Variants in NUFIP2 observed in about 807,000 individuals in gnomAD.
NUFIP2 encodes the protein nuclear FMR1 interacting protein 2.
NUFIP2 carries 6 observed loss-of-function variants against 56.9 expected under a neutral mutation model. The observed-to-expected ratio is 0.11, with a 90% CI of 0.06 to 0.21. The LOEUF (loss-of-function observed/expected upper bound fraction) is 0.21, where lower values mean the gene tolerates loss of function less well. Ranked by LOEUF, NUFIP2 falls within the 10% of genes least tolerant of loss-of-function variation. NUFIP2 has a pLI of 1.00. For synonymous variants in NUFIP2, 321 were observed against 298.2 expected (o/e 1.08, Z -0.79); for missense variants, 828 against 826.8 (o/e 1.00, Z -0.02).
intron 3 of NUFIP2, among the ~76,000 whole-genome samples, chr17:29,265,621 ATAT>A (rs1483306822): frequency 1.4e-5 from 2 of 145,668 alleles, no homozygotes; most frequent in Admixed American, 6.9e-5. Flanking sequence ...TTTTTATTAT[ATAT>A]TATTTTATTA....
intron 2 of NUFIP2, among the ~76,000 whole-genome samples, chr17:29,271,663 T>C (rs2069073480): frequency 6.6e-6 from 1 of 152,206 alleles, no homozygotes; most frequent in South Asian, 2.1e-4. Context: ...CAACTTCATT[T>C]ACTTGATCAA....
intron 2 of NUFIP2, 68 bp downstream of exon 2, chr17:29,285,924 T>C: frequency 2.5e-6 from 3 of 1,203,812 alleles, no homozygotes. Context: ...TCTCTTAAAA[T>C]TCTCTTAATA....
At chr17:29,285,871 A>T in intron 2 of NUFIP2, 121 bp downstream of exon 2, 1 of 740,718 alleles carries the variant, frequency 1.4e-6, no homozygotes, top group African/African-American at 1.8e-5. Context: ...CTGCTTATCC[A>T]CATTGTCATT....
intron 2 of NUFIP2, among the ~76,000 whole-genome samples, chr17:29,284,638 G>A (rs532878319): frequency 3.4e-5 from 5 of 148,692 alleles, no homozygotes; most frequent in African/African-American, 7.5e-5. Context: ...CCCGGGAGGC[G>A]GAGGTTGCAG....
chr17:29,292,885 G>GGGT (rs1555549647), intron 1 of NUFIP2, among the ~76,000 whole-genome samples: 4 of 146,224 alleles, frequency 2.7e-5, no homozygotes, highest in Non-Finnish European at 6.1e-5. Flanking sequence ...CGGCGACGGG[G>GGGT]GGGGGGGCGG....
At position 29,261,454 on chromosome 17, in the gene NUFIP2, T is replaced by C. The variant is rs546444312; in HGVS notation, c.*3085A>G. On this transcript the variant is annotated 3_prime_UTR_variant, in exon 4 of 4. Coordinates refer to ENST00000225388, the MANE Select transcript of NUFIP2 (RefSeq NM_020772.3). ...CACACCCCTTTTTCAGTCTTTATAATGGAGGGATGTTAAAAATCCCCTCTA... is the reference window on the plus strand; with the variant it reads ...CACACCCCTTTTTCAGTCTTTATAACGGAGGGATGTTAAAAATCCCCTCTA... The C allele has an allele frequency of 6.6e-6, 1 of 152,102 alleles. No homozygotes were observed. The highest frequency in any genetic ancestry group is 3.4e-3 in the Middle Eastern group (1 of 294). The allele number at this position is 152,102 out of a possible 1,614,324, so 9.4% of individuals were successfully genotyped here.
rs890994712 is a variant in NUFIP2, at chr17:29,293,992, G to C, written c.68C>G (p.Pro23Arg). Residue 23 changes from proline (P) to arginine (R), a missense_variant, in exon 1 of 4, where the codon CCT becomes CGT. Physicochemically the swap from Pro to Arg is moderately radical, Grantham distance 103. Coordinates refer to ENST00000225388, the MANE Select transcript of NUFIP2 (RefSeq NM_020772.3). ...HHSHHHPHHH[P>R]QQQQQQPHHH... is the part of the protein sequence containing the mutation. ...GTGCGGCTGCTGCTGCTGCTGCTGA[G>C]GGTGATGGTGCGGATGGTGGTGGCT... 6.2e-7 allele frequency: 1 copy of C among 1,612,734 alleles called. No individual in the cohort carries two copies.
At chr17:29,280,966 C>CA (rs34306098) in intron 2 of NUFIP2, among the ~76,000 whole-genome samples, 14,612 of 149,984 alleles carry the variant, frequency 0.097, 889 homozygotes, top group South Asian at 0.18. Context: ...TCCTGGGTGA[C>CA]AGAGTGAGGC....
At position 29,281,768 on chromosome 17, in the gene NUFIP2, C is replaced by A. The variant is rs568744932; in HGVS notation, c.2002+4224G>T. 8.0e-5 allele frequency among the ~76,000 whole-genome samples: 12 copies of A among 150,160 alleles called. No individual in the cohort carries two copies. In the South Asian group the frequency reaches 2.3e-3, roughly 29 times the overall value. On this transcript the variant is annotated intron_variant, in intron 2 of 3. Transcript: ENST00000225388. ...AATCCACACAAATCCCGCCACCCCCCACCCTTTTTTTTTTTAGAAGGAGCC... is the reference window on the plus strand; with the variant it reads ...AATCCACACAAATCCCGCCACCCCCAACCCTTTTTTTTTTTAGAAGGAGCC...
intron 2 of NUFIP2, among the ~76,000 whole-genome samples, chr17:29,272,563 T>G (rs2153011276): frequency 6.6e-6 from 1 of 152,260 alleles, no homozygotes; most frequent in East Asian, 1.9e-4. Context: ...ATTTAATGTT[T>G]TGACTATCCC....
Position 29,256,814 on chromosome 17 carries a change from CTA to C in NUFIP2, c.*7723_*7724del, listed in dbSNP as rs2068974002. On this transcript the variant is annotated 3_prime_UTR_variant, in exon 4 of 4. Coordinates refer to ENST00000225388, the MANE Select transcript of NUFIP2 (RefSeq NM_020772.3). Reference sequence around the variant, plus strand: ...AATGTACCCAACTCCTAAACTTGTTCTAATCAGCTTGGGCAATTTTTTAAAAG... The same window carrying C: ...AATGTACCCAACTCCTAAACTTGTTCATCAGCTTGGGCAATTTTTTAAAAG... 1 of 152,172 alleles carries C rather than the reference CTA, an allele frequency of 6.6e-6. No homozygotes were observed. Among genetic ancestry groups the C allele is most frequent in the African/African-American group, 2.4e-5 (1 of 41,444 alleles). 9.4% of individuals were successfully genotyped at this position (152,172 alleles called of 1,614,324 possible). A position where few individuals can be genotyped will look rare whatever the true frequency, so the allele number is the denominator to read the frequency against.
Position 29,258,730 on chromosome 17 carries a change from T to C in NUFIP2, c.*5809A>G, listed in dbSNP as rs1481280305. 1.3e-5 allele frequency: 2 copies of C among 152,238 alleles called. No homozygotes were observed. The highest frequency in any genetic ancestry group is 4.8e-5 in the African/African-American group (2 of 41,468). The allele number at this position is 152,238 out of a possible 1,614,324, so 9.4% of individuals were successfully genotyped here. On this transcript the variant is annotated 3_prime_UTR_variant, in exon 4 of 4. Coordinates refer to ENST00000225388, the MANE Select transcript of NUFIP2 (RefSeq NM_020772.3). ...ATTGATTCCCTCCCAAAAAGAATTT[T>C]ATAATTCATTCACTCTTGTTAGTGG...
chr17:29,286,208 T>C lies in NUFIP2; in HGVS notation c.1786A>G (p.Ser596Gly). 1 of 1,614,094 alleles carries C rather than the reference T, an allele frequency of 6.2e-7. No homozygotes were observed. The highest frequency in any genetic ancestry group is 8.5e-7 in the Non-Finnish European group (1 of 1,179,986). The change falls in exon 2 of 4, where the codon AGT becomes GGT. Residue 596 changes from serine to glycine, a missense_variant. This residue lies in a region of NUFIP2 where 404 missense variants were observed against 380.3 expected (regional missense o/e 1.06). Transcript: ENST00000225388. ...SESGALSLEP[S>G]HIGDLQKADT... ...GCTTTCTGCAGGTCACCTATATGAC[T>C]GGGTTCCAAGGATAAGGCTCCACTC...
intron 2 of NUFIP2, among the ~76,000 whole-genome samples, chr17:29,277,314 G>A (rs570145676): frequency 1.4e-4 from 22 of 152,178 alleles, no homozygotes; most frequent in Non-Finnish European, 1.9e-4. Flanking sequence ...GTGCCACCAC[G>A]TCTGAACCTA....
intron 1 of NUFIP2, among the ~76,000 whole-genome samples, 173 bp downstream of exon 1, chr17:29,293,610 G>A (rs939110836): frequency 1.3e-5 from 2 of 152,166 alleles, no homozygotes; most frequent in East Asian, 3.9e-4. Context: ...AGAGGGCGCT[G>A]CAAACCCCAT....
rs2068996248 is a variant in NUFIP2, at chr17:29,260,471, G to C, written c.*4068C>G. Reference sequence around the variant, plus strand: ...CTTTTAATCTATTTCTCTGAAGAGAGCCTTGTAGGAATGACTCCGTCCTTA... The same window carrying C: ...CTTTTAATCTATTTCTCTGAAGAGACCCTTGTAGGAATGACTCCGTCCTTA... On this transcript the variant is annotated 3_prime_UTR_variant, in exon 4 of 4. Transcript: ENST00000225388. 1 of 152,178 alleles carries C rather than the reference G, an allele frequency of 6.6e-6. No homozygotes were observed. The highest frequency in any genetic ancestry group is 2.1e-4 in the South Asian group (1 of 4,838). The allele number at this position is 152,178 out of a possible 1,614,324, so 9.4% of individuals were successfully genotyped here.
At chr17:29,292,285 G>C (rs1373531128) in intron 1 of NUFIP2, among the ~76,000 whole-genome samples, 1 of 152,010 alleles carries the variant, frequency 6.6e-6, no homozygotes, top group Non-Finnish European at 1.5e-5. Context: ...ACAAGAAAGA[G>C]GGGTCAAAAA....
chr17:29,290,977 CCAAA>C (rs1354330624), intron 1 of NUFIP2, among the ~76,000 whole-genome samples: 5 of 150,076 alleles, frequency 3.3e-5, no homozygotes, highest in Non-Finnish European at 7.4e-5. Context: ...CTGGAAATCA[CCAAA>C]CAATGAAAAA....
In NUFIP2 at chr17:29,257,237, G is replaced by T. The variant is rs2068976233; in HGVS notation, c.*7302C>A. The T allele has an allele frequency of 6.6e-6, 1 of 152,140 alleles. No individual in the cohort carries two copies. The highest frequency in any genetic ancestry group is 1.5e-5 in the Non-Finnish European group (1 of 68,008). 9.4% of individuals were successfully genotyped at this position (152,140 alleles called of 1,614,324 possible). A position where few individuals can be genotyped will look rare whatever the true frequency, so the allele number is the denominator to read the frequency against. ...CTAGTTCCACTGATGAGCTAGCCCA[G>T]AACTATGTAACTTTGAGCCAAGTTT... On this transcript the variant is annotated 3_prime_UTR_variant, in exon 4 of 4. Coordinates refer to ENST00000225388, the MANE Select transcript of NUFIP2 (RefSeq NM_020772.3).
Sources: gnomAD v4.1 joint callset for allele counts (sites outside exome capture counted in the v4.1 genomes callset) on GRCh38, gnomAD v4.1.1 for gene constraint, gnomAD v4.1.1 regional missense constraint, MANE v1.5 for transcripts, NCBI Gene and HGNC (gene_info 2026-07-23, HGNC 2026-07-21) for gene names.